The following CBLB variants were observed in gnomAD, a reference collection of about 807,000 sequenced individuals.
CBLB encodes Cbl proto-oncogene B.
Under a neutral mutation model 104.9 loss-of-function variants are expected in CBLB, and 31 were observed. The ratio of observed to expected loss-of-function variants is 0.30; its 90% CI spans 0.22 to 0.40. The LOEUF (loss-of-function observed/expected upper bound fraction) is 0.40, where lower values mean the gene tolerates loss of function less well. Ranked by LOEUF, CBLB falls within the 10% of genes least tolerant of loss-of-function variation. The pLI, the probability that CBLB is intolerant of heterozygous loss-of-function variation, is 1.00. For synonymous variants in CBLB, 440 were observed against 422.6 expected (o/e 1.04, Z -0.51); for missense variants, 1,062 against 1,214.6 (o/e 0.87, Z 1.87).
At position 105,712,899 on chromosome 3, in the gene CBLB, C is replaced by A. The variant is rs185409737; in HGVS notation, c.1407+7148G>T. Among the ~76,000 whole-genome samples the A allele has an allele frequency of 3.4e-3, 519 of 152,206 alleles. 4 individuals carry two copies. The highest frequency in any genetic ancestry group is 0.012 in the African/African-American group (499 of 41,542). On this transcript the variant is annotated intron_variant, in intron 10 of 18. Coordinates refer to ENST00000394030, the MANE Select transcript of CBLB (RefSeq NM_170662.5). ...CTATCAACATCTAAAAGAAAACCTT[C>A]CATAGACAACTCAAAAATACTAATA...
chr3:105,756,308 A>G (rs1485642122), intron 4 of CBLB, among the ~76,000 whole-genome samples: 1 of 152,204 alleles, frequency 6.6e-6, no homozygotes, highest in African/African-American at 2.4e-5. Context: ...GATATAAAAT[A>G]TCAGTTGTAG....
At chr3:105,761,832 A>C (rs919501868) in intron 4 of CBLB, among the ~76,000 whole-genome samples, 8 of 152,204 alleles carry the variant, frequency 5.3e-5, no homozygotes, top group Non-Finnish European at 1.0e-4. Flanking sequence ...TCAGAAGAAG[A>C]GAGGAAGATG....
chr3:105,693,549 C>A lies in CBLB; in HGVS notation c.1999G>T (p.Val667Phe). ...GGAGGAGGAGAAAGCCGGGGAGGAA[C>A]ATCATATTCTTCACTTCCAAGGTGA... ...NGHLGSEEYD[V>F]PPRLSPPPPV... The change falls in exon 13 of 19, where the codon GTT becomes TTT. Residue 667 changes from valine to phenylalanine, a missense_variant. Val to Phe is a conservative substitution (Grantham distance 50, BLOSUM62 -1). Around this residue, in one of 2 missense-constraint regions of CBLB, gnomAD observed 605 missense variants for 582.6 expected, o/e 1.04. Transcript: ENST00000394030. The A allele has an allele frequency of 6.2e-7, 1 of 1,612,572 alleles. No individual in the cohort carries two copies. The highest frequency in any genetic ancestry group is 1.3e-5 in the African/African-American group (1 of 74,984).
intron 9 of CBLB, among the ~76,000 whole-genome samples, chr3:105,731,023 C>T (rs2074258656): frequency 6.6e-6 from 1 of 152,128 alleles, no homozygotes; most frequent in Non-Finnish European, 1.5e-5. Context: ...ACTAACATTA[C>T]TGAACATATC....
intron 3 of CBLB, among the ~76,000 whole-genome samples, chr3:105,840,170 T>C (rs1405827805): frequency 1.3e-5 from 2 of 152,202 alleles, no homozygotes; most frequent in Non-Finnish European, 2.9e-5. Flanking sequence ...ATCATTAATA[T>C]AGTTCAGAAA....
intron 3 of CBLB, among the ~76,000 whole-genome samples, chr3:105,829,703 C>CAAAAAAAAAAAAAAAAAAAAAAAA (rs1553844797): frequency 6.7e-5 from 4 of 60,104 alleles, no homozygotes; most frequent in Admixed American, 1.7e-4. Flanking sequence ...AAAAAAAAAC[C>CAAAAAAAAAAAAAAAAAAAAAAAA]AAACTGCAGC....
chr3:105,819,114 G>A (rs532284309), intron 3 of CBLB, among the ~76,000 whole-genome samples: 2 of 152,160 alleles, frequency 1.3e-5, no homozygotes, highest in African/African-American at 4.8e-5. Context: ...GTTAAATATA[G>A]TCAACAATGG....
At chr3:105,802,501 G>T (rs557859217) in intron 3 of CBLB, among the ~76,000 whole-genome samples, 10 of 152,192 alleles carry the variant, frequency 6.6e-5, no homozygotes, top group Non-Finnish European at 1.2e-4. Flanking sequence ...GATCAGACTG[G>T]AAGTCCCATA....
rs918871166 is a variant in CBLB, at chr3:105,745,220, A to G, written c.845+697T>C. Among the ~76,000 whole-genome samples the G allele has an allele frequency of 7.9e-5, 12 of 152,316 alleles. 1 individual carries two copies. The East Asian group carries it at 1.9e-3, about 25-fold the overall frequency. On this transcript the variant is annotated intron_variant, in intron 6 of 18. Transcript: ENST00000394030. ...TACTATGGGCCTAATGCATTTTTAG[A>G]TGAAATACATGGGAAAATGCACTGA...
At chr3:105,781,182 T>G (rs982756717) in intron 3 of CBLB, among the ~76,000 whole-genome samples, 4 of 152,132 alleles carry the variant, frequency 2.6e-5, no homozygotes, top group African/African-American at 9.7e-5. Context: ...AGGTACCTCT[T>G]CATCCTGGAT....
At chr3:105,855,771 G>A (rs1171734639) in intron 2 of CBLB, among the ~76,000 whole-genome samples, 2 of 152,100 alleles carry the variant, frequency 1.3e-5, no homozygotes, top group Non-Finnish European at 2.9e-5. Context: ...AGATATACCG[G>A]CTTTTTAAAA....
At chr3:105,699,722 TA>T (rs1209418041) in intron 12 of CBLB, among the ~76,000 whole-genome samples, 1 of 152,188 alleles carries the variant, frequency 6.6e-6, no homozygotes, top group Non-Finnish European at 1.5e-5. Context: ...TTTTCCTTTA[TA>T]ACAGTAATAA....
intron 10 of CBLB, among the ~76,000 whole-genome samples, chr3:105,707,883 T>G (rs544172516): frequency 4.6e-5 from 7 of 152,282 alleles, no homozygotes; most frequent in Admixed American, 3.9e-4. Flanking sequence ...AGTACATCAA[T>G]TCAATGTAGA....
At chr3:105,733,821 C>A (rs2074604420) in intron 9 of CBLB, among the ~76,000 whole-genome samples, 188 bp downstream of exon 9, 2 of 152,174 alleles carry the variant, frequency 1.3e-5, no homozygotes, top group Admixed American at 6.5e-5. Context: ...AAAATTTATA[C>A]ATTTAAAGAT....
At chr3:105,741,095 G>GTTTTTTTTTTTTTT (rs66493673) in intron 6 of CBLB, among the ~76,000 whole-genome samples, 1 of 108,200 alleles carries the variant, frequency 9.2e-6, no homozygotes. Context: ...AAAAATTAGG[G>GTTTTTTTTTTTTTT]TTTTTTTTTT....
intron 11 of CBLB, 26 bp from the exon 12 acceptor site, chr3:105,702,485 A>G: frequency 6.8e-7 from 1 of 1,469,380 alleles, no homozygotes; most frequent in Non-Finnish European, 9.0e-7. Flanking sequence ...AGAAAAAAAA[A>G]AAAAAAAAAA....
chr3:105,685,882 C>A (rs1034947954), intron 13 of CBLB, among the ~76,000 whole-genome samples: 1 of 152,022 alleles, frequency 6.6e-6, no homozygotes, highest in Non-Finnish European at 1.5e-5. Context: ...TTAAAGAAGT[C>A]TTTATAGAAT....
chr3:105,815,070 A>G (rs2084840035), intron 3 of CBLB, among the ~76,000 whole-genome samples: 1 of 152,142 alleles, frequency 6.6e-6, no homozygotes, highest in Non-Finnish European at 1.5e-5. Flanking sequence ...TAGCCCTGTC[A>G]GGCATAAGAA....
At chr3:105,774,381 T>TA (rs1203258706) in intron 4 of CBLB, among the ~76,000 whole-genome samples, 2 of 152,042 alleles carry the variant, frequency 1.3e-5, no homozygotes, top group Admixed American at 1.3e-4. Flanking sequence ...CTAGGAAGAA[T>TA]AAAAAAATAC....
Sources: gnomAD v4.1 joint callset for allele counts (sites outside exome capture counted in the v4.1 genomes callset) on GRCh38, gnomAD v4.1.1 for gene constraint, gnomAD v4.1.1 regional missense constraint, MANE v1.5 for transcripts, NCBI Gene and HGNC (gene_info 2026-07-23, HGNC 2026-07-21) for gene names.